The following ROBO1 variants were observed in gnomAD, a reference collection of about 807,000 sequenced individuals.
ROBO1 encodes the protein roundabout guidance receptor 1, also known as roundabout homolog 1.
In ROBO1, 149 loss-of-function variants were observed where a neutral mutation model predicts 195.9. That is an observed-to-expected ratio of 0.76 (90% CI 0.67 to 0.87). ROBO1 has a LOEUF of 0.87. Ranked by LOEUF, ROBO1 falls within the 40% of genes least tolerant of loss-of-function variation. The pLI, the probability that ROBO1 is intolerant of heterozygous loss-of-function variation, is 0.00. For missense variants in ROBO1, 1,933 were observed against 2,068.3 expected (o/e 0.93, Z 1.27); for synonymous variants, 816 against 733.2 (o/e 1.11, Z -1.82).
In ROBO1 at chr3:79,094,939, C is replaced by T. The variant is rs1482551835; in HGVS notation, c.172+30517G>A. On this transcript the variant is annotated intron_variant, in intron 3 of 30. Coordinates refer to ENST00000464233, the MANE Select transcript of ROBO1 (RefSeq NM_002941.4). ...CCTCCCTCCCTCTCTCCCTCTCTCCCTCCTCTCTCCCTCCTTCCTTTCTTC... is the reference window on the plus strand; with the variant it reads ...CCTCCCTCCCTCTCTCCCTCTCTCCTTCCTCTCTCCCTCCTTCCTTTCTTC... 2.7e-5 allele frequency among the ~76,000 whole-genome samples: 4 copies of T among 147,994 alleles called. No homozygotes were observed. In the South Asian group the frequency reaches 8.8e-4, roughly 33 times the overall value.
At chr3:79,678,639 C>T (rs1191067207) in intron 1 of ROBO1, among the ~76,000 whole-genome samples, 2 of 151,986 alleles carry the variant, frequency 1.3e-5, no homozygotes, top group Non-Finnish European at 2.9e-5. Context: ...GAAAATCTTA[C>T]ATTTTCAATA....
At chr3:79,230,741 G>C (rs1402764838) in intron 2 of ROBO1, among the ~76,000 whole-genome samples, 1 of 151,728 alleles carries the variant, frequency 6.6e-6, no homozygotes, top group Non-Finnish European at 1.5e-5. Context: ...TTCTTTATAC[G>C]AGACCAAAAA....
chr3:79,740,760 A>G (rs1278864611), intron 1 of ROBO1, among the ~76,000 whole-genome samples: 2 of 152,196 alleles, frequency 1.3e-5, no homozygotes, highest in Non-Finnish European at 2.9e-5. Flanking sequence ...CAAATACTTA[A>G]TCTTGGATAT....
intron 2 of ROBO1, among the ~76,000 whole-genome samples, chr3:79,399,207 C>G (rs2037268506): frequency 6.6e-6 from 1 of 152,100 alleles, no homozygotes; most frequent in African/African-American, 2.4e-5. Context: ...AAAACAAGAG[C>G]AGTCCTAAAG....
At chr3:79,347,325 C>T (rs1172683838) in intron 2 of ROBO1, among the ~76,000 whole-genome samples, 2 of 152,068 alleles carry the variant, frequency 1.3e-5, no homozygotes, top group Non-Finnish European at 2.9e-5. Context: ...ACTTGATATG[C>T]TTGATATGAG....
At chr3:79,103,027 C>G (rs897639261) in intron 3 of ROBO1, among the ~76,000 whole-genome samples, 2 of 151,624 alleles carry the variant, frequency 1.3e-5, no homozygotes, top group Non-Finnish European at 1.5e-5. Flanking sequence ...TAATATGATT[C>G]TAAAATCAGA....
At position 79,618,276 on chromosome 3, in the gene ROBO1, A is replaced by T. The variant is rs540831215; in HGVS notation, c.-50-28315T>A. Among the ~76,000 whole-genome samples, 12 of 152,284 alleles carry T rather than the reference A, an allele frequency of 7.9e-5. No homozygotes were observed. The South Asian group carries it at 2.5e-3, about 32-fold the overall frequency. Reference sequence around the variant, plus strand: ...CATCCAGATACAAGAAGCTAAAATAACAACTGGGAGAAACTCTAAAAAACA... The same window carrying T: ...CATCCAGATACAAGAAGCTAAAATATCAACTGGGAGAAACTCTAAAAAACA... On this transcript the variant is annotated intron_variant, in intron 1 of 30. Transcript: ENST00000464233.
intron 2 of ROBO1, among the ~76,000 whole-genome samples, chr3:79,322,229 T>C (rs1406727267): frequency 6.6e-6 from 1 of 152,168 alleles, no homozygotes; most frequent in Non-Finnish European, 1.5e-5. Flanking sequence ...ATACAAATAG[T>C]ATATACACAG....
intron 2 of ROBO1, among the ~76,000 whole-genome samples, chr3:79,492,551 T>A (rs1374571379): frequency 6.6e-6 from 1 of 151,588 alleles, no homozygotes; most frequent in African/African-American, 2.4e-5. Flanking sequence ...TATACACACA[T>A]AGGCATATGT....
At chr3:79,087,357 A>G (rs1288105647) in intron 3 of ROBO1, among the ~76,000 whole-genome samples, 1 of 152,118 alleles carries the variant, frequency 6.6e-6, no homozygotes, top group Admixed American at 6.6e-5. Flanking sequence ...CATTATTTCA[A>G]AATTGTTAAA....
intron 3 of ROBO1, among the ~76,000 whole-genome samples, chr3:79,102,374 C>T (rs1264281969): frequency 6.6e-6 from 1 of 151,652 alleles, no homozygotes; most frequent in Non-Finnish European, 1.5e-5. Flanking sequence ...AGAGGCCAAA[C>T]CATCAGCAAG....
At chr3:78,763,123 C>T (rs2083147062) in intron 4 of ROBO1, among the ~76,000 whole-genome samples, 1 of 152,040 alleles carries the variant, frequency 6.6e-6, no homozygotes, top group African/African-American at 2.4e-5. Flanking sequence ...ACATATCTAA[C>T]AGGGATAAGA....
chr3:78,923,301 A>T (rs934350270), intron 4 of ROBO1, among the ~76,000 whole-genome samples: 2 of 152,164 alleles, frequency 1.3e-5, no homozygotes, highest in Non-Finnish European at 2.9e-5. Flanking sequence ...CATGGAACTG[A>T]CATTTCATGA....
chr3:79,034,586 G>A (rs1041474601), intron 3 of ROBO1, among the ~76,000 whole-genome samples: 1 of 152,096 alleles, frequency 6.6e-6, no homozygotes, highest in East Asian at 1.9e-4. Flanking sequence ...TGGGAATAAA[G>A]AGGATAAAAC....
intron 4 of ROBO1, among the ~76,000 whole-genome samples, chr3:78,844,140 G>GC (rs2033483860): frequency 6.6e-6 from 1 of 152,088 alleles, no homozygotes; most frequent in Non-Finnish European, 1.5e-5. Context: ...CTTAGAAGCA[G>GC]CCACATTTTA....
At chr3:79,567,521 T>C (rs11127646) in intron 2 of ROBO1, among the ~76,000 whole-genome samples, 88,887 of 152,036 alleles carry the variant, frequency 0.58, 27,766 homozygotes, top group African/African-American at 0.82. Flanking sequence ...TTTGTGCATG[T>C]GCAATCTTTA....
intron 1 of ROBO1, among the ~76,000 whole-genome samples, chr3:79,591,915 C>A (rs998910694): frequency 1.3e-5 from 2 of 151,520 alleles, no homozygotes; most frequent in East Asian, 1.9e-4. Context: ...GACATAGAGT[C>A]CTGTTTGGAA....
chr3:79,680,042 T>G (rs1576220850), intron 1 of ROBO1, among the ~76,000 whole-genome samples: 2 of 152,148 alleles, frequency 1.3e-5, no homozygotes, highest in South Asian at 4.2e-4. Flanking sequence ...ATAGTTTATT[T>G]CTTGCATATG....
chr3:79,247,891 G>T (rs1243034385), intron 2 of ROBO1, among the ~76,000 whole-genome samples: 1 of 152,084 alleles, frequency 6.6e-6, no homozygotes, highest in Non-Finnish European at 1.5e-5. Flanking sequence ...CCTGGCAGTG[G>T]AGCCTGGGAC....
Sources: allele counts gnomAD v4.1 joint callset (sites outside exome capture counted in the v4.1 genomes callset), GRCh38; gene constraint gnomAD v4.1.1; transcripts MANE v1.5; gene names NCBI Gene and HGNC (gene_info 2026-07-23, HGNC 2026-07-21).